The following FAM98A variants were observed in gnomAD, a reference collection of about 807,000 sequenced individuals.
FAM98A encodes the protein tRNA splicing ligase complex subunit 3A.
A neutral mutation model predicts 62.9 loss-of-function variants in FAM98A; 25 were observed. The observed-to-expected ratio is 0.40, with a 90% CI of 0.29 to 0.56. The LOEUF is 0.56. Ranked by LOEUF, FAM98A falls within the 20% of genes least tolerant of loss-of-function variation. The pLI is 0.51. For synonymous variants in FAM98A, 252 were observed against 228.6 expected (o/e 1.10, Z -0.92); for missense variants, 653 against 640.7 (o/e 1.02, Z -0.21).
intron 1 of FAM98A, among the ~76,000 whole-genome samples, chr2:33,597,178 C>T (rs1348513016): frequency 6.6e-6 from 1 of 152,116 alleles, no homozygotes; most frequent in Non-Finnish European, 1.5e-5. Flanking sequence ...TGAATTCCTA[C>T]TGTGTGCCAG....
chr2:33,586,741 G>C (rs1238057471), intron 5 of FAM98A, 63 bp from the exon 6 acceptor site: 1 of 1,024,288 alleles, frequency 9.8e-7, no homozygotes, highest in African/African-American at 1.6e-5. Context: ...TCCCAAAAGG[G>C]CAAAAACTAC....
chr2:33,588,130 G>T, intron 4 of FAM98A: 1 of 579,060 alleles, frequency 1.7e-6, no homozygotes, highest in South Asian at 1.8e-5. Flanking sequence ...AAAGAAACAT[G>T]CTAACATGTT....
Position 33,595,525 on chromosome 2 carries a change from G to T in FAM98A, c.166C>A (p.Leu56Ile), listed in dbSNP as rs753760295. 1.2e-6 allele frequency: 2 copies of T among 1,607,986 alleles called. No individual in the cohort carries two copies. The highest frequency in any genetic ancestry group is 1.7e-6 in the Non-Finnish European group (2 of 1,177,726). The change falls in exon 2 of 8, where the codon CTC (leucine) becomes ATC (isoleucine). Residue 56 changes from leucine (L) to isoleucine (I), a missense_variant. Physicochemically the swap from Leu to Ile is conservative, Grantham distance 5 (BLOSUM62 2). Coordinates refer to ENST00000238823, the MANE Select transcript of FAM98A (RefSeq NM_015475.5). ...TGCACGTTTTCCTCTAGTTTACAGA[G>T]CACTCTTAATTCAGACACCAGCCAA... Reference protein sequence around the residue: ...CAWLVSELRVLCKLEENVQAT... With the variant: ...CAWLVSELRVICKLEENVQAT...
At chr2:33,592,307 T>G (rs1251512444) in intron 2 of FAM98A, 93 bp from the exon 3 acceptor site, 6 of 1,034,168 alleles carry the variant, frequency 5.8e-6, no homozygotes, top group African/African-American at 3.3e-5. Flanking sequence ...GTTAATAGGA[T>G]TTTCATAACT....
chr2:33,586,786 T>C, intron 5 of FAM98A, 108 bp from the exon 6 acceptor site: 1 of 691,660 alleles, frequency 1.4e-6, no homozygotes, highest in Non-Finnish European at 2.5e-6. Flanking sequence ...CCCGGCCATT[T>C]AACAGTCAAA....
At chr2:33,585,771 A>C (rs1384920196) in intron 6 of FAM98A, 74 bp from the exon 7 acceptor site, 9 of 1,313,096 alleles carry the variant, frequency 6.9e-6, no homozygotes, top group Non-Finnish European at 9.5e-6. Context: ...TAAATAAGTT[A>C]AAGGTCTCCA....
chr2:33,593,447 A>T (rs1677720558), intron 2 of FAM98A, among the ~76,000 whole-genome samples: 2 of 152,194 alleles, frequency 1.3e-5, no homozygotes, highest in African/African-American at 4.8e-5. Context: ...CAGTTGTTTA[A>T]TTTGTGCCTA....
At position 33,585,372 on chromosome 2, in the gene FAM98A, G is replaced by A. The variant is rs143497054; in HGVS notation, c.961C>T (p.Pro321Ser). The A allele has an allele frequency of 3.9e-4, 628 of 1,614,126 alleles. No individual in the cohort carries two copies. Among genetic ancestry groups the A allele is most frequent in the Non-Finnish European group, 5.0e-4 (594 of 1,180,038 alleles). ...GGGCCATCTTGCCTCTTCTGCCACGGTGGCATCTCTGGGGGTGGAGGTTCG... is the reference window on the plus strand; with the variant it reads ...GGGCCATCTTGCCTCTTCTGCCACGATGGCATCTCTGGGGGTGGAGGTTCG... ...EIEPPPPEMP[P>S]WQKRQDGPQQ... is the part of the protein sequence containing the mutation. The change falls in exon 8 of 8, where the codon CCG becomes TCG. Residue 321 changes from proline (P) to serine (S), a missense_variant. Transcript: ENST00000238823.
chr2:33,589,271 G>A (rs1224244880), intron 3 of FAM98A: 1 of 152,136 alleles, frequency 6.6e-6, no homozygotes, highest in African/African-American at 2.4e-5. Flanking sequence ...CTGGTATAAT[G>A]GGGGCTGCAA....
rs773214869 is a variant in FAM98A at position 33,587,211 on chromosome 2, A to T, written c.603+29T>A. ...AATCATAAACTCTATAGTTCTTTAC[A>T]AAGTTTACTCAAGATGATTACTACT... On this transcript the variant is annotated intron_variant, in intron 5 of 7. Coordinates refer to ENST00000238823, the MANE Select transcript of FAM98A (RefSeq NM_015475.5). 2.9e-6 allele frequency: 4 copies of T among 1,391,712 alleles called. 1 individual carries two copies. The South Asian group carries it at 4.7e-5, about 16-fold the overall frequency. The allele number at this position is 1,391,712 out of a possible 1,614,324, so 86.2% of individuals were successfully genotyped here.
chr2:33,588,004 G>A (rs956679247), intron 4 of FAM98A: 13 of 284,706 alleles, frequency 4.6e-5, no homozygotes, highest in Admixed American at 2.6e-4. Flanking sequence ...AACTTAAATT[G>A]ACTGTATCAA....
Position 33,592,117 on chromosome 2 carries a change from C to A in FAM98A, c.300G>T (p.Lys100Asn), listed in dbSNP as rs770616395. Reference sequence around the variant, plus strand: ...GGCAGTTCTTCTGAATGAGAAGGCGCTTGGTCACATCCCCAGATGTCAGTG... The same window carrying A: ...GGCAGTTCTTCTGAATGAGAAGGCGATTGGTCACATCCCCAGATGTCAGTG... ...YLSLTSGDVTKRLLIQKNCLL... is the reference protein window; with the variant it reads ...YLSLTSGDVTNRLLIQKNCLL... Residue 100 changes from lysine (K) to asparagine (N), a missense_variant, in exon 3 of 8, where the codon AAG becomes AAT. By Grantham distance (94) the Lys-to-Asn change is moderately conservative. Coordinates refer to ENST00000238823, the MANE Select transcript of FAM98A (RefSeq NM_015475.5). 6.2e-7 allele frequency: 1 copy of A among 1,613,596 alleles called. No homozygotes were observed. Among genetic ancestry groups the A allele is most frequent in the South Asian group, 1.1e-5 (1 of 91,006 alleles).
intron 3 of FAM98A, 81 bp downstream of exon 3, chr2:33,591,999 A>G (rs1677680931): frequency 1.6e-6 from 2 of 1,218,316 alleles, no homozygotes; most frequent in East Asian, 4.7e-5. Flanking sequence ...AAATAAACAA[A>G]CAAAAAACCA....
chr2:33,594,572 TATATACACACACACAC>T (rs1558550360), intron 2 of FAM98A, among the ~76,000 whole-genome samples: 2 of 99,470 alleles, frequency 2.0e-5, no homozygotes, highest in South Asian at 6.2e-4. Context: ...TATATATATA[TATATACACACACACAC>T]ACACACACAC....
At chr2:33,588,589 A>C (rs1572416654) in intron 3 of FAM98A, 70 bp from the exon 4 acceptor site, 1 of 1,274,716 alleles carries the variant, frequency 7.8e-7, no homozygotes, top group Admixed American at 2.0e-5. Flanking sequence ...TGGAGTCACA[A>C]CTATATAGAC....
In FAM98A at chr2:33,585,460, G is replaced by T. The variant is rs538569368; in HGVS notation, c.889-16C>A. 7 of 1,613,512 alleles carry T rather than the reference G, an allele frequency of 4.3e-6. No homozygotes were observed. The African/African-American group carries it at 6.7e-5, about 15-fold the overall frequency. Reference sequence around the variant, plus strand: ...CCATCAACACCTACAGAATAGGAAAGATATTTTAAACTTTTATTTTATGAA... The same window carrying T: ...CCATCAACACCTACAGAATAGGAAATATATTTTAAACTTTTATTTTATGAA... On this transcript the variant is annotated splice_polypyrimidine_tract_variant and intron_variant, in intron 7 of 7. Coordinates refer to ENST00000238823, the MANE Select transcript of FAM98A (RefSeq NM_015475.5).
rs1008530596 is a variant in FAM98A, at chr2:33,594,708, C to T, written c.202+781G>A. ...ACATATATATACACATATATATATA[C>T]ACACACACACACACACACTAGCATG... On this transcript the variant is annotated intron_variant, in intron 2 of 7. Transcript: ENST00000238823. Among the ~76,000 whole-genome samples, 14 of 137,494 alleles carry T rather than the reference C, an allele frequency of 1.0e-4. 2 individuals carry two copies. Among genetic ancestry groups the T allele is most frequent in the South Asian group, 4.6e-4 (2 of 4,302 alleles). 90.2% of individuals were successfully genotyped at this position (137,494 alleles called of 152,430 possible).
rs1402844441 is a variant in FAM98A, at chr2:33,583,724, C to T, written c.*1052G>A. 2.6e-5 allele frequency: 4 copies of T among 152,628 alleles called. No homozygotes were observed. The highest frequency in any genetic ancestry group is 5.9e-5 in the Non-Finnish European group (4 of 68,034). The allele number at this position is 152,628 out of a possible 1,614,324, so 9.5% of individuals were successfully genotyped here. A position where few individuals can be genotyped will look rare whatever the true frequency, so the allele number is the denominator to read the frequency against. Reference sequence around the variant, plus strand: ...AAGCACACCTCCAGCCATTTTCTTTCACAGCTTGACAATGTTTACATGTAC... The same window carrying T: ...AAGCACACCTCCAGCCATTTTCTTTTACAGCTTGACAATGTTTACATGTAC... On this transcript the variant is annotated 3_prime_UTR_variant, in exon 8 of 8. Transcript: ENST00000238823.
chr2:33,588,184 G>T (rs1386523347), intron 4 of FAM98A, 151 bp downstream of exon 4: 2 of 643,842 alleles, frequency 3.1e-6, no homozygotes, highest in Non-Finnish European at 5.5e-6. Context: ...AAGGCATCTA[G>T]GATTTAAAAC....
Sources: gnomAD v4.1 joint callset for allele counts (sites outside exome capture counted in the v4.1 genomes callset) on GRCh38, gnomAD v4.1.1 for gene constraint, MANE v1.5 for transcripts, NCBI Gene and HGNC (gene_info 2026-07-23, HGNC 2026-07-21) for gene names.